The following HEATR5A variants were observed in gnomAD, a reference collection of about 807,000 sequenced individuals.
The protein encoded by HEATR5A is HEAT repeat containing 5A.
Under a neutral mutation model 218.8 loss-of-function variants are expected in HEATR5A, and 178 were observed. That is an observed-to-expected ratio of 0.81 (90% CI 0.72 to 0.92). HEATR5A has a LOEUF of 0.92. Ranked by LOEUF, HEATR5A falls within the 40% of genes least tolerant of loss-of-function variation. HEATR5A has a pLI of 0.00. For missense variants in HEATR5A, 2,420 were observed against 2,418.9 expected, an observed-to-expected ratio of 1.00 and a Z score of -0.01; for synonymous variants, 864 against 871.6, an observed-to-expected ratio of 0.99 and a Z score of 0.15.
In HEATR5A at chr14:31,382,952, T is replaced by G. The variant is rs141434322; in HGVS notation, c.1596+569A>C. Among the ~76,000 whole-genome samples, 769 of 151,908 alleles carry G rather than the reference T, an allele frequency of 5.1e-3. 6 individuals are homozygous for G. The highest frequency in any genetic ancestry group is 0.018 in the African/African-American group (730 of 41,362). ...TCCCAAGTTTATGTTGTGCATTTCC[T>G]GCCCCAGACCTGAAACTAGCCATTG... On this transcript the variant is annotated intron_variant, in intron 10 of 35. Transcript: ENST00000543095.
At position 31,344,068 on chromosome 14, in the gene HEATR5A, A is replaced by C. The variant is rs749302644; in HGVS notation, c.3059-3T>G. 6.7e-7 allele frequency: 1 copy of C among 1,490,082 alleles called. No individual in the cohort carries two copies. The highest frequency in any genetic ancestry group is 9.0e-7 in the Non-Finnish European group (1 of 1,114,236). 92.3% of individuals were successfully genotyped at this position (1,490,082 alleles called of 1,614,324 possible). ...GGTAGAAATTGAAGTACTGTTACCT[A>C]AAATAAAAAGCAGAAAGCTTTTAAT... is the stretch of plus-strand genomic sequence containing the variant. On this transcript the variant is annotated splice_region_variant and splice_polypyrimidine_tract_variant and intron_variant, in intron 20 of 35. Coordinates refer to ENST00000543095, the MANE Select transcript of HEATR5A (RefSeq NM_015473.4).
intron 27 of HEATR5A, among the ~76,000 whole-genome samples, chr14:31,313,723 T>G (rs1425437985): frequency 6.6e-6 from 1 of 152,194 alleles, no homozygotes; most frequent in African/African-American, 2.4e-5. Context: ...TTTGGCAAAC[T>G]AATCTGGTGG....
intron 25 of HEATR5A, among the ~76,000 whole-genome samples, chr14:31,318,912 A>G (rs1899998551): frequency 6.6e-6 from 1 of 152,194 alleles, no homozygotes; most frequent in South Asian, 2.1e-4. Flanking sequence ...GAAGCACTGT[A>G]TCTTTCTGAG....
chr14:31,318,109 T>C, intron 26 of HEATR5A, 115 bp downstream of exon 26: 7 of 803,338 alleles, frequency 8.7e-6, no homozygotes, highest in East Asian at 2.5e-5. Context: ...AGAAGAAAAG[T>C]GTAAGCTATG....
At chr14:31,343,088 CTTTTTTT>C (rs200758726) in intron 21 of HEATR5A, among the ~76,000 whole-genome samples, 1 of 139,814 alleles carries the variant, frequency 7.2e-6, no homozygotes, top group Non-Finnish European at 1.6e-5. Context: ...CATGGTAAAT[CTTTTTTT>C]TTTTTTTTTT....
intron 21 of HEATR5A, among the ~76,000 whole-genome samples, chr14:31,339,938 A>G (rs1265893390): frequency 1.3e-5 from 2 of 152,242 alleles, no homozygotes; most frequent in East Asian, 3.8e-4. Context: ...TTACAAGCAT[A>G]TAATACAAAG....
chr14:31,339,045 G>A (rs1220183155), intron 21 of HEATR5A, among the ~76,000 whole-genome samples: 1 of 151,708 alleles, frequency 6.6e-6, no homozygotes, highest in African/African-American at 2.4e-5. Context: ...GCTTGAACTT[G>A]GGAGGTGGAG....
intron 22 of HEATR5A, among the ~76,000 whole-genome samples, chr14:31,335,827 A>G (rs77286725): frequency 0.033 from 5,034 of 151,920 alleles, 260 homozygotes; most frequent in African/African-American, 0.11. Context: ...CTAATTTTTT[A>G]TATTTTTAGT....
chr14:31,351,414 G>A (rs1200005296), intron 16 of HEATR5A, among the ~76,000 whole-genome samples: 2 of 151,508 alleles, frequency 1.3e-5, no homozygotes, highest in Non-Finnish European at 2.9e-5. Flanking sequence ...GGTCACTTGA[G>A]CCCAGGAGTT....
At chr14:31,379,816 G>C (rs886429180) in intron 11 of HEATR5A, among the ~76,000 whole-genome samples, 25 of 152,164 alleles carry the variant, frequency 1.6e-4, no homozygotes, top group African/African-American at 5.8e-4. Flanking sequence ...AAATTAGCCA[G>C]GCATGATGTT....
At chr14:31,400,879 G>T (rs2030850487) in intron 2 of HEATR5A, among the ~76,000 whole-genome samples, 3 of 149,276 alleles carry the variant, frequency 2.0e-5, no homozygotes, top group East Asian at 2.0e-4. Flanking sequence ...TCGCTCTGTC[G>T]CCCAGGCTGG....
chr14:31,323,842 T>G, intron 23 of HEATR5A, 38 bp from the exon 24 acceptor site: 1 of 1,295,632 alleles, frequency 7.7e-7, no homozygotes, highest in Admixed American at 2.2e-5. Context: ...TATAATCAAC[T>G]GAAAGATATA....
intron 33 of HEATR5A, among the ~76,000 whole-genome samples, chr14:31,299,215 G>A (rs534743651): frequency 2.0e-5 from 3 of 152,178 alleles, no homozygotes; most frequent in East Asian, 3.9e-4. Context: ...AATCACATTC[G>A]AGTGTTCAAG....
intron 28 of HEATR5A, among the ~76,000 whole-genome samples, chr14:31,309,895 G>A (rs1036279677): frequency 6.6e-5 from 10 of 151,838 alleles, no homozygotes; most frequent in Non-Finnish European, 1.2e-4. Flanking sequence ...TAGAGATGGG[G>A]TTTCACCATG....
In HEATR5A at chr14:31,306,877, G is replaced by A. The variant is rs770279241; in HGVS notation, c.4821C>T (p.Asp1607=). Reference sequence around the variant, plus strand: ...GAACATTCAGCAATTCTATACCCAAGTCCTATCATGGAAATCATGTACAGG... The same window carrying A: ...GAACATTCAGCAATTCTATACCCAAATCCTATCATGGAAATCATGTACAGG... ...WPRSKIGSDQ[D]LGIELLNVLH... The change falls in exon 31 of 36, where the codon GAC becomes GAT. Residue 1607 remains aspartate (D), a splice_region_variant and synonymous_variant. Transcript: ENST00000543095. 1.7e-5 allele frequency: 27 copies of A among 1,600,252 alleles called. No homozygotes were observed. Among genetic ancestry groups the A allele is most frequent in the Non-Finnish European group, 2.2e-5 (26 of 1,171,156 alleles).
At position 31,367,665 on chromosome 14, in the gene HEATR5A, C is replaced by G. The variant is rs571598142; in HGVS notation, c.1962-3367G>C. 4.7e-5 allele frequency among the ~76,000 whole-genome samples: 7 copies of G among 148,970 alleles called. No homozygotes were observed. In the East Asian group the frequency reaches 8.0e-4, roughly 17 times the overall value. ...AACTTCTGACCTCAAATGATCTACC[C>G]ACCTCAGCCTCCCAAAATGATAGGA... On this transcript the variant is annotated intron_variant, in intron 13 of 35. Coordinates refer to ENST00000543095, the MANE Select transcript of HEATR5A (RefSeq NM_015473.4).
intron 29 of HEATR5A, 139 bp from the exon 30 acceptor site, chr14:31,308,159 C>T: frequency 1.3e-6 from 1 of 784,580 alleles, no homozygotes; most frequent in Non-Finnish European, 2.0e-6. Context: ...GAATTTAAGA[C>T]TAAACAATTA....
chr14:31,325,955 A>G (rs1481440373), intron 23 of HEATR5A: 4 of 582,482 alleles, frequency 6.9e-6, no homozygotes, highest in Non-Finnish European at 1.2e-5. Context: ...AGGGAAAAAG[A>G]GCAGGCTTAA....
intron 27 of HEATR5A, 39 bp from the exon 28 acceptor site, chr14:31,313,229 C>A (rs550902288): frequency 9.4e-6 from 14 of 1,490,156 alleles, no homozygotes; most frequent in Middle Eastern, 1.9e-4. Flanking sequence ...AATCTTTTAT[C>A]TGCTGAAAAG....
Sources: allele counts gnomAD v4.1 joint callset (sites outside exome capture counted in the v4.1 genomes callset), GRCh38; gene constraint gnomAD v4.1.1; transcripts MANE v1.5; gene names NCBI Gene and HGNC (gene_info 2026-07-23, HGNC 2026-07-21).